TENM3: variants seen among roughly 807,000 people sequenced by gnomAD.
TENM3 encodes the protein teneurin transmembrane protein 3.
A neutral mutation model predicts 255.1 loss-of-function variants in TENM3; 63 were observed. The observed-to-expected ratio is 0.25, with a 90% CI of 0.20 to 0.30. TENM3 has a LOEUF of 0.30. TENM3 is among the 10% of genes least tolerant of loss of function. The pLI, the probability that TENM3 is intolerant of heterozygous loss-of-function variation, is 1.00. For missense variants in TENM3, 2,929 were observed against 3,461.1 expected (o/e 0.85, Z 3.86); for synonymous variants, 1,306 against 1,322.3 (o/e 0.99, Z 0.27).
the TENM3 span, among the ~76,000 whole-genome samples, chr4:182,052,321 G>C: frequency 6.6e-6 from 1 of 152,084 alleles, no homozygotes; most frequent in Admixed American, 6.5e-5. Context: ...CAAGAGCATA[G>C]TGTCAATGAG....
At chr4:182,592,016 A>G (rs930416004) in intron 3 of TENM3, among the ~76,000 whole-genome samples, 6 of 152,192 alleles carry the variant, frequency 3.9e-5, no homozygotes, top group African/African-American at 9.6e-5. Flanking sequence ...AATGACTACT[A>G]AATGTCTGCA....
chr4:181,767,055 A>G, the TENM3 span, among the ~76,000 whole-genome samples: 4 of 138,004 alleles, frequency 2.9e-5, no homozygotes, highest in African/African-American at 5.5e-5. Flanking sequence ...GATCAAGACC[A>G]TTCTGGCTAA....
At chr4:182,210,024 C>T (rs573752345) in intron 1 of TENM3, among the ~76,000 whole-genome samples, 12 of 152,288 alleles carry the variant, frequency 7.9e-5, no homozygotes, top group Admixed American at 2.0e-4. Context: ...CCTCCCCAGC[C>T]TCCCTGTGCC....
At chr4:182,099,370 G>A in the TENM3 span, among the ~76,000 whole-genome samples, 4 of 152,162 alleles carry the variant, frequency 2.6e-5, no homozygotes, top group African/African-American at 9.7e-5. Context: ...AAACCAGTGA[G>A]TATCTTCTAT....
At chr4:181,500,449 G>A in the TENM3 span, among the ~76,000 whole-genome samples, 1 of 152,182 alleles carries the variant, frequency 6.6e-6, no homozygotes, top group South Asian at 2.1e-4. Flanking sequence ...TCAAGTCACT[G>A]TGTATTTTGT....
the TENM3 span, among the ~76,000 whole-genome samples, chr4:181,801,556 A>C: frequency 8.4e-3 from 1,278 of 151,362 alleles, 18 homozygotes; most frequent in African/African-American, 0.029. Context: ...ATCTATAAGC[A>C]TTCGTATAAA....
the TENM3 span, among the ~76,000 whole-genome samples, chr4:181,698,172 C>A: frequency 2.7e-5 from 4 of 150,554 alleles, no homozygotes; most frequent in Admixed American, 6.6e-5. Context: ...CGAGATCACG[C>A]CACTGCACTC....
chr4:182,322,467 C>G (rs1763115067), intron 1 of TENM3, among the ~76,000 whole-genome samples: 1 of 152,154 alleles, frequency 6.6e-6, no homozygotes, highest in African/African-American at 2.4e-5. Flanking sequence ...TGTGATTATT[C>G]CAGCGCAGGG....
In TENM3 at chr4:182,601,065, C is replaced by T. The variant is rs753633001; in HGVS notation, c.653C>T (p.Pro218Leu). 9.9e-6 allele frequency: 16 copies of T among 1,613,674 alleles called. No homozygotes were observed. Among genetic ancestry groups the T allele is most frequent in the African/African-American group, 5.3e-5 (4 of 74,850 alleles). ...AATAGAAGGAACCAGAGTCCGGCCC[C>T]GCCGGCTGCTTTGCCCGCCGAGCTG... ...LTNRRNQSPA[P>L]PAALPAELQT... Residue 218 changes from proline (P) to leucine (L), a missense_variant, in exon 4 of 28, where the codon CCG becomes CTG. This residue lies in a region of TENM3 where 1,608 missense variants were observed against 1,884.4 expected (regional missense o/e 0.85). Transcript: ENST00000511685.
chr4:182,762,847 C>T (rs977797465), intron 22 of TENM3, among the ~76,000 whole-genome samples: 1 of 152,188 alleles, frequency 6.6e-6, no homozygotes, highest in African/African-American at 2.4e-5. Context: ...GTCACCCTAA[C>T]TCCTCACTTA....
At chr4:182,372,227 C>G (rs1766872281) in intron 3 of TENM3, among the ~76,000 whole-genome samples, 1 of 152,074 alleles carries the variant, frequency 6.6e-6, no homozygotes, top group Non-Finnish European at 1.5e-5. Flanking sequence ...GTCATTGTAG[C>G]CAGTAATTGG....
At chr4:181,669,323 A>G in the TENM3 span, among the ~76,000 whole-genome samples, 1 of 152,170 alleles carries the variant, frequency 6.6e-6, no homozygotes, top group Admixed American at 6.5e-5. Context: ...AGGGATTCCC[A>G]GAGAGGTTAT....
At chr4:181,711,726 G>C in the TENM3 span, among the ~76,000 whole-genome samples, 21 of 152,142 alleles carry the variant, frequency 1.4e-4, no homozygotes, top group Admixed American at 1.1e-3. Flanking sequence ...TTAAGTTTGT[G>C]AGCACAGACC....
chr4:181,938,070 T>G, the TENM3 span, among the ~76,000 whole-genome samples: 5 of 152,200 alleles, frequency 3.3e-5, no homozygotes, highest in Non-Finnish European at 7.3e-5. Flanking sequence ...TGGCTCTGGT[T>G]GTATGAATAA....
chr4:182,077,868 G>A, the TENM3 span, among the ~76,000 whole-genome samples: 254 of 152,182 alleles, frequency 1.7e-3, 2 homozygotes, highest in Middle Eastern at 0.01. Context: ...GCAGTGGCCC[G>A]TCCCACTGTG....
chr4:182,192,032 T>G (rs950251861), intron 1 of TENM3, among the ~76,000 whole-genome samples: 1 of 152,198 alleles, frequency 6.6e-6, no homozygotes. Flanking sequence ...GCCTGCATGC[T>G]AAGAATGATT....
chr4:181,881,146 T>G, the TENM3 span, among the ~76,000 whole-genome samples: 1 of 152,154 alleles, frequency 6.6e-6, no homozygotes, highest in Admixed American at 6.5e-5. Context: ...TCATCTCTAC[T>G]TTAACTCCAC....
chr4:182,124,787 C>A, the TENM3 span, among the ~76,000 whole-genome samples: 1 of 152,234 alleles, frequency 6.6e-6, no homozygotes, highest in African/African-American at 2.4e-5. Context: ...CTGCAGTCAA[C>A]TACAGTCTGA....
chr4:182,737,702 T>A lies in TENM3; in HGVS notation c.3235+627T>A, dbSNP rs543176562. On this transcript the variant is annotated intron_variant, in intron 17 of 27. Coordinates refer to ENST00000511685, the MANE Select transcript of TENM3 (RefSeq NM_001080477.4). ...GCTCAGAACATAAAAAACTAAAGAA[T>A]GATATGTTTTTGTTTTAATTAGTAT... Among the ~76,000 whole-genome samples the A allele has an allele frequency of 1.8e-4, 28 of 152,286 alleles. 3 individuals carry two copies. The South Asian group carries it at 5.8e-3, about 32-fold the overall frequency.
Sources: allele counts gnomAD v4.1 joint callset (sites outside exome capture counted in the v4.1 genomes callset), GRCh38; gene constraint gnomAD v4.1.1; regional missense constraint gnomAD v4.1.1; transcripts MANE v1.5; gene names NCBI Gene and HGNC (gene_info 2026-07-23, HGNC 2026-07-21).